The following NFATC1 variants were observed in gnomAD, a reference collection of about 807,000 sequenced individuals.
NFATC1 encodes the protein nuclear factor of activated T cells 1, also known as nuclear factor of activated T-cells, cytoplasmic 1.
Under a neutral mutation model 76.0 loss-of-function variants are expected in NFATC1, and 22 were observed. The ratio of observed to expected loss-of-function variants is 0.29; its 90% confidence interval spans 0.21 to 0.41. The LOEUF (loss-of-function observed/expected upper bound fraction) is 0.41. Ranked by LOEUF, NFATC1 falls within the 10% of genes least tolerant of loss-of-function variation. NFATC1 has a pLI of 1.00. For synonymous variants in NFATC1, 704 were observed against 613.1 expected, an observed-to-expected ratio of 1.15 and a Z score of -2.19; for missense variants, 1,357 against 1,337.7, an observed-to-expected ratio of 1.01 and a Z score of -0.23.
At chr18:79,473,186 G>T (rs1013011367) in intron 8 of NFATC1, among the ~76,000 whole-genome samples, 2 of 152,268 alleles carry the variant, frequency 1.3e-5, no homozygotes, top group Non-Finnish European at 2.9e-5. Context: ...AATTCTGGGA[G>T]CCCAGCTGCC....
intron 3 of NFATC1, among the ~76,000 whole-genome samples, chr18:79,442,357 G>A (rs943102898): frequency 3.9e-5 from 6 of 152,348 alleles, no homozygotes; most frequent in East Asian, 1.9e-4. Context: ...TGCTGCCTTC[G>A]TGCAGGTGAC....
intron 2 of NFATC1, among the ~76,000 whole-genome samples, chr18:79,427,719 GT>G (rs1228402262): frequency 1.0e-5 from 1 of 100,176 alleles, no homozygotes; most frequent in African/African-American, 3.8e-5. Flanking sequence ...GGTTGGGGGG[GT>G]GCTGGACGGC....
At chr18:79,415,292 AT>A (rs1036301336) in intron 2 of NFATC1, among the ~76,000 whole-genome samples, 140 of 151,888 alleles carry the variant, frequency 9.2e-4, no homozygotes, top group Non-Finnish European at 1.7e-3. Context: ...TTATTTATTT[AT>A]TTTTTTTGAG....
chr18:79,472,185 C>A (rs1042560691), intron 8 of NFATC1, among the ~76,000 whole-genome samples: 7 of 152,098 alleles, frequency 4.6e-5, no homozygotes, highest in African/African-American at 1.7e-4. Context: ...AACTGAGGTC[C>A]CCGTGCACAG....
At chr18:79,404,665 C>T (rs2085373370) in intron 1 of NFATC1, among the ~76,000 whole-genome samples, 1 of 152,226 alleles carries the variant, frequency 6.6e-6, no homozygotes, top group Non-Finnish European at 1.5e-5. Flanking sequence ...GGCCGCCTCT[C>T]AGAGTTTGTG....
At chr18:79,509,768 G>A (rs1446841940) in intron 9 of NFATC1, among the ~76,000 whole-genome samples, 1 of 152,238 alleles carries the variant, frequency 6.6e-6, no homozygotes, top group Non-Finnish European at 1.5e-5. Context: ...ACCAGGGAGG[G>A]AACGCGAAGC....
intron 9 of NFATC1, among the ~76,000 whole-genome samples, chr18:79,489,745 G>A (rs1249497514): frequency 6.6e-6 from 1 of 152,224 alleles, no homozygotes; most frequent in African/African-American, 2.4e-5. Context: ...GTCAGGCCCA[G>A]GGCCGGTCCT....
chr18:79,400,497 G>A lies in NFATC1; in HGVS notation c.127+4146G>A, dbSNP rs763134415. The A allele has an allele frequency of 6.1e-5, 85 of 1,401,506 alleles. No individual in the cohort carries two copies. The African/African-American group carries it at 1.2e-3, about 20-fold the overall frequency. 86.8% of individuals were successfully genotyped at this position (1,401,506 alleles called of 1,614,324 possible). A position where few individuals can be genotyped will look rare whatever the true frequency, so the allele number is the denominator to read the frequency against. ...CGCCCCAGGTGGGTCAGTCCCGGAGGGCGCGGGGGGCGCGGGGCCAGGTCG... is the reference window on the plus strand; with the variant it reads ...CGCCCCAGGTGGGTCAGTCCCGGAGAGCGCGGGGGGCGCGGGGCCAGGTCG... On this transcript the variant is annotated intron_variant, in intron 1 of 9. Coordinates refer to ENST00000427363, the MANE Select transcript of NFATC1 (RefSeq NM_001278669.2).
chr18:79,429,912 G>A (rs2086530966), intron 2 of NFATC1, among the ~76,000 whole-genome samples: 1 of 152,230 alleles, frequency 6.6e-6, no homozygotes, highest in African/African-American at 2.4e-5. Context: ...TCGTGAGAGC[G>A]TAGTTTTACT....
At position 79,425,273 on chromosome 18, in the gene NFATC1, C is replaced by CTGTTTCTGTT. The variant is rs1444724785; in HGVS notation, c.1227-8305_1227-8304insGTTTCTGTTT. Among the ~76,000 whole-genome samples, 54 of 143,254 alleles carry CTGTTTCTGTT rather than the reference C, an allele frequency of 3.8e-4. 1 individual carries two copies. The highest frequency in any genetic ancestry group is 6.2e-4 in the Non-Finnish European group (39 of 63,254). The allele number at this position is 143,254 out of a possible 152,430, so 94.0% of individuals were successfully genotyped here. ...TGTTTCTCTCCCTGTCTCTGTCTCT[C>CTGTTTCTGTT]TCTCTGTCTGTCTTTCTTTCTTACT... On this transcript the variant is annotated intron_variant, in intron 2 of 9. Coordinates refer to ENST00000427363, the MANE Select transcript of NFATC1 (RefSeq NM_001278669.2).
At chr18:79,414,685 TCA>T (rs1482962338) in intron 2 of NFATC1, among the ~76,000 whole-genome samples, 12 of 152,268 alleles carry the variant, frequency 7.9e-5, no homozygotes, top group Non-Finnish European at 1.8e-4. Flanking sequence ...GGCACAGGAA[TCA>T]CAGGCCACCT....
intron 9 of NFATC1, among the ~76,000 whole-genome samples, chr18:79,520,193 C>G (rs1019430120): frequency 7.1e-6 from 1 of 140,328 alleles, no homozygotes; most frequent in African/African-American, 2.5e-5. Context: ...GGGCCCCTCA[C>G]GGGAGGGGAT....
chr18:79,429,884 A>G (rs1247174102), intron 2 of NFATC1, among the ~76,000 whole-genome samples: 4 of 152,350 alleles, frequency 2.6e-5, no homozygotes, highest in South Asian at 2.1e-4. Flanking sequence ...GACTTCACCT[A>G]TGAGGGTTCT....
chr18:79,464,593 G>A (rs1401463833), intron 7 of NFATC1, among the ~76,000 whole-genome samples: 2 of 134,070 alleles, frequency 1.5e-5, no homozygotes, highest in Non-Finnish European at 3.2e-5. Flanking sequence ...GTGTGTGGAT[G>A]TTCACGCAGA....
At chr18:79,439,276 C>T (rs981133163) in intron 3 of NFATC1, among the ~76,000 whole-genome samples, 9 of 152,202 alleles carry the variant, frequency 5.9e-5, no homozygotes, top group Non-Finnish European at 1.3e-4. Flanking sequence ...ACATTGTTAT[C>T]TGATCAGAGC....
intron 3 of NFATC1, among the ~76,000 whole-genome samples, chr18:79,435,939 AAG>A (rs1359150892): frequency 6.6e-6 from 1 of 152,052 alleles, no homozygotes; most frequent in Non-Finnish European, 1.5e-5. Flanking sequence ...TAGTAATTTA[AAG>A]AGTTTTGTGA....
At chr18:79,436,220 G>A (rs2086769950) in intron 3 of NFATC1, among the ~76,000 whole-genome samples, 2 of 152,244 alleles carry the variant, frequency 1.3e-5, no homozygotes, top group Non-Finnish European at 2.9e-5. Context: ...CAGAAACGAG[G>A]CTCATCGCAC....
chr18:79,429,698 G>C (rs2086523694), intron 2 of NFATC1, among the ~76,000 whole-genome samples: 1 of 152,198 alleles, frequency 6.6e-6, no homozygotes, highest in Admixed American at 6.5e-5. Context: ...GATTTGTAGA[G>C]CTGCCAAATT....
intron 9 of NFATC1, among the ~76,000 whole-genome samples, chr18:79,495,049 T>C (rs2089838472): frequency 6.6e-6 from 1 of 152,206 alleles, no homozygotes; most frequent in African/African-American, 2.4e-5. Flanking sequence ...GCAGCTGCAG[T>C]GGCAAGTCTG....
Sources: gnomAD v4.1 joint callset for allele counts (sites outside exome capture counted in the v4.1 genomes callset) on GRCh38, gnomAD v4.1.1 for gene constraint, MANE v1.5 for transcripts, NCBI Gene and HGNC (gene_info 2026-07-23, HGNC 2026-07-21) for gene names.